The following FGF5 variants were observed in gnomAD, a reference collection of about 807,000 sequenced individuals.
The protein encoded by FGF5 is heparin-binding growth factor 5.
Under a neutral mutation model 21.8 loss-of-function variants are expected in FGF5, and 23 were observed. The observed-to-expected ratio is 1.05, with a 90% confidence interval of 0.76 to 1.49. The LOEUF is 1.49. Ranked by LOEUF, FGF5 falls within the 40% of genes most tolerant of loss-of-function variation. The pLI is 0.00. For synonymous variants in FGF5, 158 were observed against 124.0 expected, an observed-to-expected ratio of 1.27 and a Z score of -1.82; for missense variants, 352 against 332.9, an observed-to-expected ratio of 1.06 and a Z score of -0.45.
rs779008349 is a variant in FGF5 at position 80,274,957 on chromosome 4, G to C, written c.404G>C (p.Gly135Ala). The C allele has an allele frequency of 3.7e-6, 6 of 1,600,498 alleles. No homozygotes were observed. The highest frequency in any genetic ancestry group is 1.1e-5 in the South Asian group (1 of 89,330). ...AVSQGIVGIR[G>A]VFSNKFLAMS... ...TCTCAGGGGATTGTAGGAATACGAG[G>C]AGTTTTCAGCAACAAATTTTTAGCG... Residue 135 changes from glycine (G) to alanine (A), a missense_variant, in exon 2 of 3, where the codon GGA becomes GCA. By Grantham distance (60) the Gly-to-Ala change is moderately conservative. Transcript: ENST00000312465.
rs767703366 is a variant in FGF5, at chr4:80,286,575, A to G, written c.710A>G (p.Lys237Arg). The G allele has an allele frequency of 6.2e-7, 1 of 1,613,988 alleles. No homozygotes were observed. The highest frequency in any genetic ancestry group is 1.6e-4 in the Middle Eastern group (1 of 6,084). Residue 237 changes from lysine (K) to arginine (R), a missense_variant, in exon 3 of 3, where the codon AAA becomes AGA. By Grantham distance (26) the Lys-to-Arg change is conservative (BLOSUM62 2). Coordinates refer to ENST00000312465, the MANE Select transcript of FGF5 (RefSeq NM_004464.4). ...TTCACGGTTACTGTTCCTGAAAAGA[A>G]AAAGCCACCTAGCCCTATCAAGCCA... ...LSFTVTVPEK[K>R]KPPSPIKPKI... is the part of the protein sequence containing the mutation.
intron 1 of FGF5, chr4:80,268,418 G>C: frequency 1.1e-6 from 1 of 906,608 alleles, no homozygotes. Flanking sequence ...GTTGCTCCTA[G>C]ATGTTCCTAA....
At chr4:80,270,106 C>G (rs980714232) in intron 1 of FGF5, among the ~76,000 whole-genome samples, 2 of 152,198 alleles carry the variant, frequency 1.3e-5, no homozygotes, top group Non-Finnish European at 2.9e-5. Flanking sequence ...TTTAAATCTC[C>G]TAAGAGAGGC....
At chr4:80,267,286 C>A in intron 1 of FGF5, 107 bp downstream of exon 1, 1 of 877,226 alleles carries the variant, frequency 1.1e-6, no homozygotes, top group Non-Finnish European at 1.7e-6. Context: ...GAGCCCAGGC[C>A]ACTGGGACCA....
intron 2 of FGF5, among the ~76,000 whole-genome samples, chr4:80,278,845 T>A (rs1055225628): frequency 3.3e-5 from 5 of 152,128 alleles, no homozygotes; most frequent in African/African-American, 1.2e-4. Context: ...TTTACAAGGA[T>A]GAGGATGTAT....
At chr4:80,284,317 C>T (rs533395531) in intron 2 of FGF5, among the ~76,000 whole-genome samples, 1 of 152,186 alleles carries the variant, frequency 6.6e-6, no homozygotes, top group Middle Eastern at 3.4e-3. Context: ...ACCTGTAATC[C>T]CAGCTACTCA....
In FGF5 at chr4:80,286,489, C is replaced by T; in HGVS notation, c.624C>T (p.Pro208=). ...AKRGCSPRVK[P]QHISTHFLPR... ...GAGGGTGCAGCCCCCGGGTTAAACC[C>T]CAGCATATCTCTACCCATTTTCTGC... is the stretch of plus-strand genomic sequence containing the variant. Residue 208 remains proline, a synonymous_variant, in exon 3 of 3, where the codon CCC becomes CCT. Coordinates refer to ENST00000312465, the MANE Select transcript of FGF5 (RefSeq NM_004464.4). The T allele has an allele frequency of 6.2e-7, 1 of 1,613,978 alleles. No homozygotes were observed. The highest frequency in any genetic ancestry group is 1.3e-5 in the African/African-American group (1 of 74,996).
At chr4:80,282,196 A>T in intron 2 of FGF5, among the ~76,000 whole-genome samples, 1 of 152,128 alleles carries the variant, frequency 6.6e-6, no homozygotes. Flanking sequence ...TCCTGACCTC[A>T]AAAGATCCAC....
intron 1 of FGF5, 47 bp from the exon 2 acceptor site, chr4:80,274,862 A>T (rs944041968): frequency 6.3e-6 from 5 of 795,326 alleles, no homozygotes; most frequent in Non-Finnish European, 1.1e-5. Context: ...CTTCACAATG[A>T]TATAAATAAG....
At chr4:80,267,217 G>C in intron 1 of FGF5, 38 bp downstream of exon 1, 3 of 1,514,798 alleles carry the variant, frequency 2.0e-6, no homozygotes, top group Non-Finnish European at 2.7e-6. Context: ...CGTCCTAGGC[G>C]GCCGCGGAAG....
At chr4:80,274,627 C>T (rs1720360083) in intron 1 of FGF5, among the ~76,000 whole-genome samples, 1 of 152,022 alleles carries the variant, frequency 6.6e-6, no homozygotes, top group Non-Finnish European at 1.5e-5. Context: ...CCTGAGAAAA[C>T]TTCATGCTCA....
At position 80,280,218 on chromosome 4, in the gene FGF5, G is replaced by C. The variant is rs34164605; in HGVS notation, c.459+5206G>C. On this transcript the variant is annotated intron_variant, in intron 2 of 2. Coordinates refer to ENST00000312465, the MANE Select transcript of FGF5 (RefSeq NM_004464.4). ...CTTTCAATATACAGTAAAATGGAATGTCTAGCTATTCAGGCACAAAAATGG... is the reference window on the plus strand; with the variant it reads ...CTTTCAATATACAGTAAAATGGAATCTCTAGCTATTCAGGCACAAAAATGG... Among the ~76,000 whole-genome samples, 142 of 152,336 alleles carry C rather than the reference G, an allele frequency of 9.3e-4. 1 individual carries two copies. Among genetic ancestry groups the C allele is most frequent in the African/African-American group, 3.3e-3 (138 of 41,594 alleles).
chr4:80,286,288 C>G, intron 2 of FGF5, 37 bp from the exon 3 acceptor site: 2 of 1,426,846 alleles, frequency 1.4e-6, no homozygotes, highest in Non-Finnish European at 1.9e-6. Flanking sequence ...GAAAAGATCG[C>G]CACAACTTAA....
intron 2 of FGF5, among the ~76,000 whole-genome samples, chr4:80,284,020 T>G (rs35437488): frequency 0.055 from 8,430 of 152,272 alleles, 522 homozygotes; most frequent in East Asian, 0.35. Context: ...AAAATAGGAA[T>G]AGTCAATGTG....
chr4:80,269,175 C>T (rs1225734751), intron 1 of FGF5, among the ~76,000 whole-genome samples: 1 of 152,184 alleles, frequency 6.6e-6, no homozygotes, highest in East Asian at 1.9e-4. Context: ...CTGCTGTCTC[C>T]TGGCTATGTT....
At position 80,286,415 on chromosome 4, in the gene FGF5, A is replaced by C. The variant is rs776917011; in HGVS notation, c.550A>C (p.Thr184Pro). The C allele has an allele frequency of 1.2e-6, 2 of 1,613,994 alleles. No individual in the cohort carries two copies. Among genetic ancestry groups the C allele is most frequent in the Non-Finnish European group, 1.7e-6 (2 of 1,179,968 alleles). The stretch of plus-strand genomic sequence containing the variant: ...CTCAGCAATACATAGAACTGAAAAA[A>C]CAGGGCGGGAGTGGTATGTGGCCCT... ...YASAIHRTEK[T>P]GREWYVALNK... Residue 184 changes from threonine (T) to proline (P), a missense_variant, in exon 3 of 3, where the codon ACA becomes CCA. By Grantham distance (38) the Thr-to-Pro change is conservative (BLOSUM62 -1). Coordinates refer to ENST00000312465, the MANE Select transcript of FGF5 (RefSeq NM_004464.4).
chr4:80,275,722 A>C (rs1720392802), intron 2 of FGF5, among the ~76,000 whole-genome samples: 1 of 152,038 alleles, frequency 6.6e-6, no homozygotes, highest in Non-Finnish European at 1.5e-5. Context: ...TAAAGATAAT[A>C]AAATATGTTC....
chr4:80,284,221 G>A (rs568975349), intron 2 of FGF5, among the ~76,000 whole-genome samples: 1 of 152,256 alleles, frequency 6.6e-6, no homozygotes, highest in African/African-American at 2.4e-5. Context: ...ATTATCTGAG[G>A]TCAGGAATTC....
chr4:80,285,645 G>T (rs1034926083), intron 2 of FGF5, among the ~76,000 whole-genome samples: 1 of 152,170 alleles, frequency 6.6e-6, no homozygotes, highest in Non-Finnish European at 1.5e-5. Context: ...TTCAAGGGCA[G>T]ATATTTTGTG....
Sources: allele counts gnomAD v4.1 joint callset (sites outside exome capture counted in the v4.1 genomes callset), GRCh38; gene constraint gnomAD v4.1.1; transcripts MANE v1.5; gene names NCBI Gene and HGNC (gene_info 2026-07-23, HGNC 2026-07-21).